The following KLHL1 variants were observed in gnomAD, a reference collection of about 807,000 sequenced individuals.
KLHL1 encodes the protein kelch like family member 1.
KLHL1 carries 47 observed loss-of-function variants against 77.7 expected under a neutral mutation model. The observed-to-expected ratio is 0.60, with a 90% CI of 0.48 to 0.77. The LOEUF (loss-of-function observed/expected upper bound fraction) is 0.77, where lower values mean the gene tolerates loss of function less well. KLHL1 is among the 30% of genes least tolerant of loss of function. The pLI, the probability that KLHL1 is intolerant of heterozygous loss-of-function variation, is 0.00. For missense variants in KLHL1, 925 were observed against 910.8 expected (o/e 1.02, Z -0.20); for synonymous variants, 360 against 325.2 (o/e 1.11, Z -1.15).
At chr13:69,748,018 C>CT (rs1874293575) in intron 7 of KLHL1, among the ~76,000 whole-genome samples, 1 of 151,998 alleles carries the variant, frequency 6.6e-6, no homozygotes, top group Non-Finnish European at 1.5e-5. Context: ...ATCCTTTGCT[C>CT]TAAATACTAG....
chr13:69,927,350 CGTTCCT>C (rs1310359919), intron 4 of KLHL1, among the ~76,000 whole-genome samples: 2 of 152,050 alleles, frequency 1.3e-5, no homozygotes, highest in Non-Finnish European at 2.9e-5. Context: ...ATTGGTTAAA[CGTTCCT>C]TAACTGTAAC....
intron 1 of KLHL1, among the ~76,000 whole-genome samples, chr13:70,093,044 A>G (rs542440840): frequency 5.4e-4 from 83 of 152,304 alleles, no homozygotes; most frequent in African/African-American, 1.9e-3. Flanking sequence ...AAGACATTGA[A>G]TAACATTAAT....
intron 6 of KLHL1, among the ~76,000 whole-genome samples, chr13:69,837,638 ATATATG>A (rs1270681095): frequency 1.7e-4 from 23 of 135,348 alleles, no homozygotes; most frequent in African/African-American, 6.1e-4. Flanking sequence ...GTGTATATAT[ATATATG>A]TGTATATATA....
chr13:69,970,360 CCAGAGT>C (rs1884346655), intron 2 of KLHL1, among the ~76,000 whole-genome samples: 1 of 152,048 alleles, frequency 6.6e-6, no homozygotes, highest in African/African-American at 2.4e-5. Flanking sequence ...TTATGAACTT[CCAGAGT>C]CAAAATTATG....
chr13:69,755,536 T>A (rs1874673068), intron 7 of KLHL1, among the ~76,000 whole-genome samples: 1 of 152,138 alleles, frequency 6.6e-6, no homozygotes, highest in South Asian at 2.1e-4. Flanking sequence ...TTATACAAGC[T>A]TCTACTTTAT....
chr13:69,778,203 A>G (rs564560914), intron 7 of KLHL1, among the ~76,000 whole-genome samples: 1 of 152,230 alleles, frequency 6.6e-6, no homozygotes, highest in African/African-American at 2.4e-5. Context: ...TAGACTTTTA[A>G]ACCACAGAGG....
intron 5 of KLHL1, among the ~76,000 whole-genome samples, chr13:69,855,345 T>G (rs12584568): frequency 0.079 from 5,720 of 72,154 alleles, 159 homozygotes; most frequent in African/African-American, 0.1. Flanking sequence ...GATAGATAGA[T>G]AGACAGACAG....
At chr13:70,068,046 A>T (rs1214134333) in intron 1 of KLHL1, among the ~76,000 whole-genome samples, 1 of 60,458 alleles carries the variant, frequency 1.7e-5, no homozygotes, top group South Asian at 3.8e-4. Flanking sequence ...TAGTATAAGT[A>T]AAAAAAAAAA....
At chr13:69,965,636 T>C (rs981897039) in intron 2 of KLHL1, among the ~76,000 whole-genome samples, 2 of 152,174 alleles carry the variant, frequency 1.3e-5, no homozygotes, top group Admixed American at 1.3e-4. Flanking sequence ...GAGGGAGACA[T>C]GTAGAAAGTG....
intron 4 of KLHL1, among the ~76,000 whole-genome samples, chr13:69,924,997 C>T (rs1422304910): frequency 6.6e-6 from 1 of 152,104 alleles, no homozygotes; most frequent in Non-Finnish European, 1.5e-5. Context: ...CATGCTACCT[C>T]GCTCACACAC....
At chr13:70,075,141 A>G (rs979550542) in intron 1 of KLHL1, among the ~76,000 whole-genome samples, 17 of 151,942 alleles carry the variant, frequency 1.1e-4, no homozygotes, top group African/African-American at 3.6e-4. Context: ...GAGGGGCTAG[A>G]TGATTGAGAC....
chr13:69,777,160 T>C (rs914505804), intron 7 of KLHL1, among the ~76,000 whole-genome samples: 3 of 152,162 alleles, frequency 2.0e-5, no homozygotes, highest in African/African-American at 7.2e-5. Flanking sequence ...TCTGCCATCA[T>C]GTAAGACGTG....
At chr13:69,846,988 A>T (rs1374395712) in intron 5 of KLHL1, among the ~76,000 whole-genome samples, 1 of 151,492 alleles carries the variant, frequency 6.6e-6, no homozygotes, top group Non-Finnish European at 1.5e-5. Context: ...AAATAGAATC[A>T]ATTTTCATGT....
At position 69,700,751 on chromosome 13, in the gene KLHL1, G is replaced by A. The variant is rs1414125705; in HGVS notation, c.*951C>T. On this transcript the variant is annotated 3_prime_UTR_variant, in exon 11 of 11. Coordinates refer to ENST00000377844, the MANE Select transcript of KLHL1 (RefSeq NM_020866.3). ...AATGTAACAAGTTTGAAAAATGGGC[G>A]ATGAGAATATGAAGTCTGCCTTCTT... The A allele has an allele frequency of 1.3e-5, 2 of 152,286 alleles. No individual in the cohort carries two copies. Among genetic ancestry groups the A allele is most frequent in the African/African-American group, 4.8e-5 (2 of 41,410 alleles). 9.4% of individuals were successfully genotyped at this position (152,286 alleles called of 1,614,324 possible). A position where few individuals can be genotyped will look rare whatever the true frequency, so the allele number is the denominator to read the frequency against.
intron 7 of KLHL1, among the ~76,000 whole-genome samples, chr13:69,794,635 A>G (rs2138034505): frequency 6.6e-6 from 1 of 152,190 alleles, no homozygotes; most frequent in South Asian, 2.1e-4. Flanking sequence ...AAAGAAGCAG[A>G]TAGGAATTTG....
At chr13:69,809,554 G>T (rs1218340680) in intron 6 of KLHL1, among the ~76,000 whole-genome samples, 1 of 152,032 alleles carries the variant, frequency 6.6e-6, no homozygotes, top group Non-Finnish European at 1.5e-5. Context: ...AGATGCTTAA[G>T]GGAATTTTAG....
At chr13:69,751,318 A>C (rs1018025153) in intron 7 of KLHL1, among the ~76,000 whole-genome samples, 2 of 152,034 alleles carry the variant, frequency 1.3e-5, no homozygotes, top group African/African-American at 4.8e-5. Flanking sequence ...TATGCCTTCT[A>C]TAAGTTCATA....
At chr13:69,929,257 C>A (rs2482565) in intron 4 of KLHL1, among the ~76,000 whole-genome samples, 135,665 of 152,028 alleles carry the variant, frequency 0.89, 61,044 homozygotes, top group Non-Finnish European at 0.96. Context: ...ATTGTTAAAA[C>A]GTCAAGCCTT....
intron 1 of KLHL1, among the ~76,000 whole-genome samples, chr13:70,074,123 G>C (rs188267955): frequency 6.6e-6 from 1 of 151,972 alleles, no homozygotes; most frequent in Admixed American, 6.6e-5. Flanking sequence ...CACCTTGCCC[G>C]GCACCTTAAG....
Sources: gnomAD v4.1 joint callset for allele counts (sites outside exome capture counted in the v4.1 genomes callset) on GRCh38, gnomAD v4.1.1 for gene constraint, MANE v1.5 for transcripts, NCBI Gene and HGNC (gene_info 2026-07-23, HGNC 2026-07-21) for gene names.